UGT1A4: variants seen among roughly 807,000 people sequenced by gnomAD.
UGT1A4 encodes the protein UDP glucuronosyltransferase family 1 member A4.
A neutral mutation model predicts 41.1 loss-of-function variants in UGT1A4; 32 were observed. That is an observed-to-expected ratio of 0.78 (90% confidence interval 0.59 to 1.05). The LOEUF is 1.05. Among genes scored for constraint, UGT1A4 ranks in the 50% least tolerant of loss-of-function variants. UGT1A4 has a pLI of 0.00. For synonymous variants in UGT1A4, 283 were observed against 265.1 expected (o/e 1.07, Z -0.66); for missense variants, 748 against 677.4 (o/e 1.10, Z -1.16).
At chr2:233,755,412 C>T in intron 1 of UGT1A4, 1 of 330,878 alleles carries the variant, frequency 3.0e-6, no homozygotes, top group Non-Finnish European at 5.9e-6. Context: ...TGGCCGAGGC[C>T]TGTGAGCGCC....
intron 1 of UGT1A4, chr2:233,760,357 G>T: frequency 6.2e-7 from 1 of 1,614,100 alleles, no homozygotes; most frequent in South Asian, 1.1e-5. Flanking sequence ...GGGCCCAGTG[G>T]TGTCCCATGC....
intron 1 of UGT1A4, among the ~76,000 whole-genome samples, chr2:233,728,574 G>A (rs45507691): frequency 0.037 from 5,630 of 152,284 alleles, 132 homozygotes; most frequent in Non-Finnish European, 0.057. Flanking sequence ...ATCCTGGTGC[G>A]AAAAACGACC....
At chr2:233,770,673 AAAG>A (rs1468674033) in intron 4 of UGT1A4, 2 of 152,078 alleles carry the variant, frequency 1.3e-5, no homozygotes, top group Admixed American at 6.6e-5. Context: ...AAAAAAAAAA[AAAG>A]AAGGTTCCAA....
At chr2:233,726,786 A>G (rs1000818718) in intron 1 of UGT1A4, among the ~76,000 whole-genome samples, 1 of 152,242 alleles carries the variant, frequency 6.6e-6, no homozygotes, top group Non-Finnish European at 1.5e-5. Context: ...TGAAACCCAC[A>G]TCTTATTCAA....
chr2:233,742,208 G>A (rs1691908549), intron 1 of UGT1A4, among the ~76,000 whole-genome samples: 1 of 152,036 alleles, frequency 6.6e-6, no homozygotes, highest in South Asian at 2.1e-4. Flanking sequence ...GGGACTCACA[G>A]CCTTCAGGGC....
At chr2:233,743,209 T>C (rs879874451) in intron 1 of UGT1A4, 11 of 398,276 alleles carry the variant, frequency 2.8e-5, no homozygotes, top group Admixed American at 1.6e-4. Context: ...CAATGCGGAG[T>C]AACTGCTCTT....
intron 1 of UGT1A4, among the ~76,000 whole-genome samples, chr2:233,724,775 C>T (rs2077310067): frequency 7.0e-6 from 1 of 142,494 alleles, no homozygotes; most frequent in Non-Finnish European, 1.5e-5. Context: ...GGCAGAGACA[C>T]TCCTCACTTC....
intron 1 of UGT1A4, chr2:233,755,162 G>T (rs1267717516): frequency 7.8e-7 from 1 of 1,279,938 alleles, no homozygotes; most frequent in Non-Finnish European, 1.1e-6. Context: ...CCCTGTCCTC[G>T]GGGTTTTTGT....
intron 1 of UGT1A4, chr2:233,729,358 A>T: frequency 1.9e-6 from 3 of 1,614,176 alleles, no homozygotes; most frequent in East Asian, 4.5e-5. Context: ...TTTCACCCTG[A>T]CAACCTATGC....
intron 1 of UGT1A4, among the ~76,000 whole-genome samples, chr2:233,725,237 G>A: frequency 1.2e-5 from 1 of 85,832 alleles, no homozygotes; most frequent in Non-Finnish European, 2.1e-5. Context: ...AGGCAGAGGA[G>A]GCAGAGGCAG....
chr2:233,766,731 T>C (rs1699235503), intron 1 of UGT1A4, among the ~76,000 whole-genome samples: 1 of 152,174 alleles, frequency 6.6e-6, no homozygotes, highest in African/African-American at 2.4e-5. Flanking sequence ...TATCACTGTG[T>C]GTATGTACAG....
intron 1 of UGT1A4, chr2:233,755,047 C>T (rs1236246701): frequency 7.5e-7 from 1 of 1,329,234 alleles, no homozygotes; most frequent in Non-Finnish European, 1.0e-6. Context: ...GCGCAGCCGC[C>T]CTCCGCCCTC....
chr2:233,741,488 C>CA (rs1484608191), intron 1 of UGT1A4: 1 of 151,842 alleles, frequency 6.6e-6, no homozygotes, highest in Non-Finnish European at 1.5e-5. Context: ...GTCTGATGTA[C>CA]AAAAAACTGA....
intron 1 of UGT1A4, among the ~76,000 whole-genome samples, chr2:233,759,541 C>T (rs1020987350): frequency 6.6e-6 from 1 of 152,092 alleles, no homozygotes; most frequent in Admixed American, 6.6e-5. Context: ...TGTTCACATG[C>T]GCTCCAGTGA....
intron 1 of UGT1A4, among the ~76,000 whole-genome samples, chr2:233,745,061 T>C (rs115414076): frequency 0.034 from 5,145 of 151,980 alleles, 165 homozygotes; most frequent in African/African-American, 0.052. Context: ...TTATTTGTAT[T>C]ATTTGTATTG....
chr2:233,767,427 G>A (rs1439996149), intron 2 of UGT1A4, among the ~76,000 whole-genome samples: 1 of 152,164 alleles, frequency 6.6e-6, no homozygotes, highest in Non-Finnish European at 1.5e-5. Context: ...GTGTATTAGG[G>A]AGAATTTATT....
At position 233,729,883 on chromosome 2, in the gene UGT1A4, TC is replaced by T. The variant is rs771925903; in HGVS notation, c.867+10197del. ...AGTGGTGGATATTCTCAGTCATGCA[TC>T]TGTGTGGCTGTTCCGAGGGGACTTT... On this transcript the variant is annotated intron_variant, in intron 1 of 4. Transcript: ENST00000373409. The T allele has an allele frequency of 6.2e-6, 10 of 1,613,824 alleles. No individual in the cohort carries two copies. In the African/African-American group the frequency reaches 1.3e-4, roughly 22 times the overall value.
At chr2:233,722,318 G>A (rs1376337551) in intron 1 of UGT1A4, among the ~76,000 whole-genome samples, 1 of 152,064 alleles carries the variant, frequency 6.6e-6, no homozygotes, top group Non-Finnish European at 1.5e-5. Context: ...TACTTGGTTT[G>A]GTTGACCCTT....
intron 1 of UGT1A4, among the ~76,000 whole-genome samples, chr2:233,724,378 G>A (rs1437497782): frequency 1.4e-5 from 2 of 146,678 alleles, no homozygotes; most frequent in East Asian, 2.1e-4. Flanking sequence ...TGGCTGCCGG[G>A]CGGAGACGCT....
Sources: allele counts gnomAD v4.1 joint callset (sites outside exome capture counted in the v4.1 genomes callset), GRCh38; gene constraint gnomAD v4.1.1; transcripts MANE v1.5; gene names NCBI Gene and HGNC (gene_info 2026-07-23, HGNC 2026-07-21).